The following CACNA1A variants were observed in gnomAD, a reference collection of about 807,000 sequenced individuals.
CACNA1A encodes the protein voltage-dependent P/Q-type calcium channel subunit alpha-1A.
Under a neutral mutation model 262.4 loss-of-function variants are expected in CACNA1A, and 57 were observed. The ratio of observed to expected loss-of-function variants is 0.22; its 90% CI spans 0.18 to 0.27. The LOEUF is 0.27. Ranked by LOEUF, CACNA1A falls within the 10% of genes least tolerant of loss-of-function variation. The pLI is 1.00. For missense variants in CACNA1A, 2,526 were observed against 3,562.8 expected (o/e 0.71, Z 7.41); for synonymous variants, 1,431 against 1,419.3 (o/e 1.01, Z -0.18).
intron 6 of CACNA1A, among the ~76,000 whole-genome samples, chr19:13,339,159 C>A (rs926680630): frequency 6.6e-6 from 1 of 151,916 alleles, no homozygotes; most frequent in Non-Finnish European, 1.5e-5. Context: ...CCACTGAGCC[C>A]GGCAGAAGTT....
At chr19:13,319,869 G>A (rs866546923) in intron 10 of CACNA1A, among the ~76,000 whole-genome samples, 1 of 152,160 alleles carries the variant, frequency 6.6e-6, no homozygotes, top group South Asian at 2.1e-4. Context: ...AAGGAAACAG[G>A]CTGAGGGGGG....
intron 3 of CACNA1A, among the ~76,000 whole-genome samples, chr19:13,433,064 T>C (rs7255557): frequency 0.2 from 30,211 of 151,646 alleles, 4,204 homozygotes; most frequent in African/African-American, 0.39. Context: ...GAGGCTGAGG[T>C]GGGCGGATCA....
At chr19:13,417,021 C>T (rs574020047) in intron 3 of CACNA1A, among the ~76,000 whole-genome samples, 8 of 152,242 alleles carry the variant, frequency 5.3e-5, no homozygotes, top group South Asian at 4.2e-4. Flanking sequence ...CCGAATTGCA[C>T]GGTACAGCTC....
rs71170518 is a variant in CACNA1A, at chr19:13,497,516, AAAAAAATATATATATATATATATAT to A, written c.293+8391_293+8415del. Among the ~76,000 whole-genome samples, 113 of 30,514 alleles carry A rather than the reference AAAAAAATATATATATATATATATAT, an allele frequency of 3.7e-3. 3 individuals are homozygous for A. Among genetic ancestry groups the A allele is most frequent in the Non-Finnish European group, 4.4e-3 (79 of 18,014 alleles). 20.0% of individuals were successfully genotyped at this position (30,514 alleles called of 152,430 possible). A position where few individuals can be genotyped will look rare whatever the true frequency, so the allele number is the denominator to read the frequency against. On this transcript the variant is annotated intron_variant, in intron 1 of 46. Coordinates refer to ENST00000360228, the MANE Select transcript of CACNA1A (RefSeq NM_001127222.2). ...AAAAAAAAAAAAAAAAAAAAAAAAA[AAAAAAATATATATATATATATATAT>A]ATATATATATATATATATATATATA...
At chr19:13,464,100 T>C (rs1400539231) in intron 1 of CACNA1A, among the ~76,000 whole-genome samples, 1 of 152,192 alleles carries the variant, frequency 6.6e-6, no homozygotes, top group Non-Finnish European at 1.5e-5. Context: ...CTAGAAAATT[T>C]AATGTGGGCC....
At chr19:13,461,749 G>A (rs1240283637) in intron 1 of CACNA1A, among the ~76,000 whole-genome samples, 1 of 152,184 alleles carries the variant, frequency 6.6e-6, no homozygotes, top group East Asian at 1.9e-4. Context: ...TCTGCTCCCT[G>A]ATTGGCTCGG....
At chr19:13,419,176 T>C (rs1332836628) in intron 3 of CACNA1A, among the ~76,000 whole-genome samples, 2 of 152,184 alleles carry the variant, frequency 1.3e-5, no homozygotes, top group Non-Finnish European at 2.9e-5. Context: ...GGCCTAGATA[T>C]GTTTAGATAC....
chr19:13,295,288 T>C (rs2057640141), intron 19 of CACNA1A, among the ~76,000 whole-genome samples: 1 of 152,134 alleles, frequency 6.6e-6, no homozygotes, highest in Admixed American at 6.6e-5. Context: ...CCTAATAACA[T>C]AATGATTGAG....
rs774169958 is a variant in CACNA1A at position 13,208,748 on chromosome 19, G to A, written c.6780+8C>T. 3.0e-5 allele frequency: 47 copies of A among 1,568,202 alleles called. No individual in the cohort carries two copies. The highest frequency in any genetic ancestry group is 1.1e-4 in the African/African-American group (8 of 74,156). On this transcript the variant is annotated splice_region_variant and intron_variant, in intron 46 of 46. Coordinates refer to ENST00000360228, the MANE Select transcript of CACNA1A (RefSeq NM_001127222.2). The stretch of plus-strand genomic sequence containing the variant: ...GCCCAGCCTGGGGTCACTTGCAGCC[G>A]CACCCACCTGCCGGTGCGCCATGTG...
At chr19:13,397,710 T>C (rs1261543964) in intron 3 of CACNA1A, among the ~76,000 whole-genome samples, 1 of 152,188 alleles carries the variant, frequency 6.6e-6, no homozygotes, top group African/African-American at 2.4e-5. Flanking sequence ...TAGACTCCAT[T>C]TCCCAGCTCT....
At chr19:13,431,044 G>A (rs1279984599) in intron 3 of CACNA1A, among the ~76,000 whole-genome samples, 1 of 151,918 alleles carries the variant, frequency 6.6e-6, no homozygotes, top group African/African-American at 2.4e-5. Flanking sequence ...GGAGAGGAGA[G>A]TGGGAATAGA....
In CACNA1A at chr19:13,212,694, G is replaced by A. The variant is rs778274864; in HGVS notation, c.5987C>T (p.Thr1996Met). Residue 1996 changes from threonine to methionine, a missense_variant, in exon 41 of 47, where the codon ACG (threonine) becomes ATG (methionine). Physicochemically the swap from Thr to Met is moderately conservative, Grantham distance 81. Transcript: ENST00000360228. The surrounding 1 kb of genome is among the most constrained non-coding windows in gnomAD (Gnocchi z 5.6). ...GTTCTGGCCAGGTCCCCCTTCCTGC[G>A]TTGGGGACGGGGGCTCCATGCGCTG... ...MFQRMEPPSP[T>M]QEGGPGQNAL... The A allele has an allele frequency of 3.3e-5, 50 of 1,510,628 alleles. No homozygotes were observed. In the Admixed American group the frequency reaches 7.7e-4, roughly 23 times the overall value. The allele number at this position is 1,510,628 out of a possible 1,614,324, so 93.6% of individuals were successfully genotyped here. A position where few individuals can be genotyped will look rare whatever the true frequency, so the allele number is the denominator to read the frequency against.
chr19:13,375,821 A>G (rs1319776446), intron 3 of CACNA1A, among the ~76,000 whole-genome samples: 1 of 152,090 alleles, frequency 6.6e-6, no homozygotes, highest in Non-Finnish European at 1.5e-5. Flanking sequence ...AAAAGGCCAT[A>G]AGCTAGAGGT....
chr19:13,483,258 G>C (rs760098929), intron 1 of CACNA1A, among the ~76,000 whole-genome samples: 2 of 152,130 alleles, frequency 1.3e-5, no homozygotes, highest in Non-Finnish European at 2.9e-5. Flanking sequence ...ATCACCACAT[G>C]GAATGCCACT....
At chr19:13,427,188 A>C (rs1334083466) in intron 3 of CACNA1A, among the ~76,000 whole-genome samples, 1 of 152,134 alleles carries the variant, frequency 6.6e-6, no homozygotes, top group African/African-American at 2.4e-5. Flanking sequence ...GTGGTGGCTC[A>C]GGCCTGTATT....
chr19:13,279,768 A>AGCCCGGCCCACTGT (rs996236228), intron 22 of CACNA1A, among the ~76,000 whole-genome samples: 1 of 146,550 alleles, frequency 6.8e-6, no homozygotes, highest in Non-Finnish European at 1.5e-5. Context: ...TACAGGTGCG[A>AGCCCGGCCCACTGT]GCCCGGCCCA....
At chr19:13,329,248 G>A (rs540436450) in intron 10 of CACNA1A, among the ~76,000 whole-genome samples, 14 of 152,156 alleles carry the variant, frequency 9.2e-5, no homozygotes, top group Non-Finnish European at 1.9e-4. Flanking sequence ...CTCTCACACT[G>A]TTCCTTCTGC....
intron 6 of CACNA1A, among the ~76,000 whole-genome samples, chr19:13,355,143 T>G (rs2058987342): frequency 6.6e-6 from 1 of 152,166 alleles, no homozygotes; most frequent in East Asian, 1.9e-4. Context: ...CCCAAAGTGC[T>G]GGGATTACAG....
intron 30 of CACNA1A, among the ~76,000 whole-genome samples, chr19:13,249,316 T>C (rs1331788591): frequency 2.0e-5 from 3 of 152,030 alleles, no homozygotes; most frequent in African/African-American, 4.8e-5. Flanking sequence ...AAGCCACTGT[T>C]TTGGAGGAAA....
Sources: gnomAD v4.1 joint callset for allele counts (sites outside exome capture counted in the v4.1 genomes callset) on GRCh38, gnomAD v4.1.1 for gene constraint, Gnocchi (gnomAD v3.1) non-coding constraint, MANE v1.5 for transcripts, NCBI Gene and HGNC (gene_info 2026-07-23, HGNC 2026-07-21) for gene names.